ATP6V1B1: variants seen among roughly 807,000 people sequenced by gnomAD.
The protein encoded by ATP6V1B1 is ATPase H+ transporting V1 subunit B1, also known as V-type proton ATPase subunit B, kidney isoform.
ATP6V1B1 carries 41 observed loss-of-function variants against 62.1 expected under a neutral mutation model. That is an observed-to-expected ratio of 0.66 (90% CI 0.51 to 0.86). The LOEUF is 0.86. Among genes scored for constraint, ATP6V1B1 ranks in the 40% least tolerant of loss-of-function variants. The pLI is 0.00. For missense variants in ATP6V1B1, 651 were observed against 697.5 expected (o/e 0.93, Z 0.75); for synonymous variants, 253 against 273.4 (o/e 0.93, Z 0.74).
chr2:70,948,531 A>C (rs911705221), intron 2 of ATP6V1B1: 1 of 154,764 alleles, frequency 6.5e-6, no homozygotes, highest in East Asian at 1.9e-4. Context: ...CCCGTTTCGT[A>C]TCGAAACACA....
intron 4 of ATP6V1B1, 113 bp from the exon 5 acceptor site, chr2:70,958,905 C>T: frequency 9.7e-7 from 1 of 1,026,956 alleles, no homozygotes; most frequent in Non-Finnish European, 1.5e-6. Context: ...GAGGGGGATA[C>T]AGGGCACTCC....
intron 2 of ATP6V1B1, chr2:70,948,151 A>T (rs1680231043): frequency 6.6e-6 from 1 of 152,298 alleles, no homozygotes. Flanking sequence ...TTTGTCCTTC[A>T]GGGACACAGA....
intron 7 of ATP6V1B1, 51 bp from the exon 8 acceptor site, chr2:70,961,545 T>G: frequency 1.3e-6 from 2 of 1,579,636 alleles, no homozygotes; most frequent in Non-Finnish European, 1.7e-6. Flanking sequence ...GGCCAGGCCT[T>G]GCCCTCAGGC....
At position 70,964,312 on chromosome 2, in the gene ATP6V1B1, G is replaced by T. The variant is rs572775611; in HGVS notation, c.1144-126G>T. 1.8e-5 allele frequency: 16 copies of T among 910,066 alleles called. No homozygotes were observed. In the South Asian group the frequency reaches 2.2e-4, roughly 13 times the overall value. 56.4% of individuals were successfully genotyped at this position (910,066 alleles called of 1,614,324 possible). A position where few individuals can be genotyped will look rare whatever the true frequency, so the allele number is the denominator to read the frequency against. On this transcript the variant is annotated intron_variant, in intron 11 of 13. Coordinates refer to ENST00000234396, the MANE Select transcript of ATP6V1B1 (RefSeq NM_001692.4). ...TAGAATTTGTGGGAGATAAGAGAGG[G>T]TGGGTGTGGCTGTTGACCCCTCGGA...
At chr2:70,964,661 G>T in intron 12 of ATP6V1B1, 75 bp from the exon 13 acceptor site, 4 of 1,612,688 alleles carry the variant, frequency 2.5e-6, no homozygotes, top group Non-Finnish European at 3.4e-6. Context: ...CGGGGTCCCA[G>T]TGTGGCCAGG....
rs147250093 is a variant in ATP6V1B1 at position 70,964,807 on chromosome 2, T to G, written c.1320T>G (p.Ser440=). The change falls in exon 13 of 14, where the codon TCT becomes TCG. Residue 440 remains serine, a synonymous_variant. Coordinates refer to ENST00000234396, the MANE Select transcript of ATP6V1B1 (RefSeq NM_001692.4). ...TAGTTGGGGAGGAGGCGCTCACCTC[T>G]GAGGACCTGCTCTACCTGGAATTCC... ...KAVVGEEALT[S]EDLLYLEFLQ... The G allele has an allele frequency of 1.4e-3, 2,284 of 1,614,084 alleles. 60 individuals carry two copies. In the East Asian group the frequency reaches 0.041, roughly 29 times the overall value.
intron 1 of ATP6V1B1, among the ~76,000 whole-genome samples, chr2:70,938,216 C>T (rs1377496139): frequency 4.6e-5 from 7 of 152,176 alleles, no homozygotes; most frequent in Non-Finnish European, 7.3e-5. Context: ...ATCCCCTCCC[C>T]GCCTCACTCA....
At chr2:70,958,243 T>C in intron 3 of ATP6V1B1, 90 bp from the exon 4 acceptor site, 1 of 1,593,472 alleles carries the variant, frequency 6.3e-7, no homozygotes, top group Non-Finnish European at 8.6e-7. Flanking sequence ...AATGGTCTAT[T>C]TCCCTGAGAG....
chr2:70,960,124 C>G, intron 6 of ATP6V1B1, 46 bp downstream of exon 6: 1 of 1,611,316 alleles, frequency 6.2e-7, no homozygotes, highest in Non-Finnish European at 8.5e-7. Context: ...AGGGACAGAG[C>G]AGAGGCTGGG....
chr2:70,938,404 G>C (rs1553415891), intron 1 of ATP6V1B1, among the ~76,000 whole-genome samples: 1 of 152,202 alleles, frequency 6.6e-6, no homozygotes, highest in African/African-American at 2.4e-5. Context: ...CTCCTACCCT[G>C]GGTCTGTAAG....
intron 1 of ATP6V1B1, chr2:70,943,314 G>A: frequency 2.0e-6 from 1 of 499,588 alleles, no homozygotes. Flanking sequence ...AAAATGCTTG[G>A]AGTGAGAGAG....
chr2:70,959,538 A>C lies in ATP6V1B1; in HGVS notation c.446-401A>C, dbSNP rs1016896090. Among the ~76,000 whole-genome samples the C allele has an allele frequency of 6.6e-6, 1 of 152,212 alleles. No individual in the cohort carries two copies. Among genetic ancestry groups the C allele is most frequent in the Non-Finnish European group, 1.5e-5 (1 of 68,038 alleles). ...GAGCACAGAAGACTCATCTGCTCAGACAGGAGGCTGAGTCACCCGCAGGCC... is the reference window on the plus strand; with the variant it reads ...GAGCACAGAAGACTCATCTGCTCAGCCAGGAGGCTGAGTCACCCGCAGGCC... On this transcript the variant is annotated intron_variant, in intron 5 of 13. Transcript: ENST00000234396. This position sits in a 1 kb window ranked among gnomAD's most constrained non-coding sequence, Gnocchi z 4.2.
intron 1 of ATP6V1B1, chr2:70,940,785 G>A (rs1403124558): frequency 9.1e-6 from 9 of 985,404 alleles, no homozygotes; most frequent in African/African-American, 1.7e-5. Context: ...TGGGAAGGTC[G>A]GGAGGGGGCA....
chr2:70,954,168 GCTGTT>G (rs1680381007), intron 2 of ATP6V1B1, among the ~76,000 whole-genome samples: 1 of 152,038 alleles, frequency 6.6e-6, no homozygotes, highest in African/African-American at 2.4e-5. Context: ...GGGTTTTAAT[GCTGTT>G]CTTTTTTCTG....
chr2:70,940,797 A>G, intron 1 of ATP6V1B1: 1 of 985,374 alleles, frequency 1.0e-6, no homozygotes, highest in Non-Finnish European at 1.2e-6. Context: ...GAGGGGGCAC[A>G]CAATGGTTCT....
intron 12 of ATP6V1B1, 79 bp downstream of exon 12, chr2:70,964,621 G>C: frequency 6.2e-7 from 1 of 1,611,192 alleles, no homozygotes; most frequent in Admixed American, 1.7e-5. Flanking sequence ...TGAAGGACAA[G>C]CTTTTCTCCT....
rs782328415 is a variant in ATP6V1B1, at chr2:70,943,651, C to A, written c.119-7C>A. 1.7e-5 allele frequency: 28 copies of A among 1,613,506 alleles called. No homozygotes were observed. Among genetic ancestry groups the A allele is most frequent in the Non-Finnish European group, 2.2e-5 (26 of 1,179,888 alleles). On this transcript the variant is annotated splice_polypyrimidine_tract_variant and splice_region_variant and intron_variant, in intron 1 of 13. Transcript: ENST00000234396. ...GAGACCCCTACTCACCCCCGCCCCT[C>A]CCCCAGCCTACAGGACTGTGTGCAG...
intron 1 of ATP6V1B1, chr2:70,941,110 G>A: frequency 4.4e-6 from 2 of 453,126 alleles, no homozygotes; most frequent in Non-Finnish European, 5.8e-6. Context: ...TAGAGACGAG[G>A]CTTCACCATA....
chr2:70,948,513 AG>A (rs1680241069), intron 2 of ATP6V1B1: 1 of 154,788 alleles, frequency 6.5e-6, no homozygotes, highest in Non-Finnish European at 1.5e-5. Flanking sequence ...ACAAATAATG[AG>A]GCAGGGCCCG....
Sources: allele counts gnomAD v4.1 joint callset (sites outside exome capture counted in the v4.1 genomes callset), GRCh38; gene constraint gnomAD v4.1.1; non-coding constraint Gnocchi (gnomAD v3.1); transcripts MANE v1.5; gene names NCBI Gene and HGNC (gene_info 2026-07-23, HGNC 2026-07-21).